UNC5D: variants seen among roughly 807,000 people sequenced by gnomAD.
UNC5D encodes unc-5 netrin receptor D.
In UNC5D, 39 loss-of-function variants were observed where a neutral mutation model predicts 105.4. The observed-to-expected ratio is 0.37, with a 90% confidence interval of 0.29 to 0.48. The LOEUF is 0.48. Among genes scored for constraint, UNC5D ranks in the 20% least tolerant of loss-of-function variants. The pLI, the probability that UNC5D is intolerant of heterozygous loss-of-function variation, is 0.98. For synonymous variants in UNC5D, 452 were observed against 450.4 expected (o/e 1.00, Z -0.04); for missense variants, 991 against 1,202.4 (o/e 0.82, Z 2.60).
In UNC5D at chr8:35,309,130, G is replaced by A. The variant is rs567063097; in HGVS notation, c.103+73243G>A. ...TCATTCTTCCTCATGAACAATTCTG[G>A]GACCTTCAAACACTTGTGAAATGCC... On this transcript the variant is annotated intron_variant, in intron 1 of 16. Coordinates refer to ENST00000404895, the MANE Select transcript of UNC5D (RefSeq NM_080872.4). Among the ~76,000 whole-genome samples, 9 of 152,174 alleles carry A rather than the reference G, an allele frequency of 5.9e-5. No homozygotes were observed. The East Asian group carries it at 1.5e-3, about 26-fold the overall frequency.
chr8:35,366,553 C>T (rs1802135934), intron 1 of UNC5D, among the ~76,000 whole-genome samples: 1 of 151,948 alleles, frequency 6.6e-6, no homozygotes, highest in Non-Finnish European at 1.5e-5. Context: ...ATGTAATTGT[C>T]CACTTACCCT....
intron 1 of UNC5D, among the ~76,000 whole-genome samples, chr8:35,429,060 C>A (rs2128973492): frequency 6.6e-6 from 1 of 152,258 alleles, no homozygotes; most frequent in South Asian, 2.1e-4. Flanking sequence ...GTAGCTACAT[C>A]CATAAAAGTG....
intron 4 of UNC5D, among the ~76,000 whole-genome samples, chr8:35,633,667 AT>A (rs1168041566): frequency 6.6e-6 from 1 of 152,146 alleles, no homozygotes; most frequent in East Asian, 1.9e-4. Flanking sequence ...AGGCAAGAGG[AT>A]TGCTTGAGCC....
At chr8:35,338,000 A>C (rs1280417070) in intron 1 of UNC5D, among the ~76,000 whole-genome samples, 2 of 152,254 alleles carry the variant, frequency 1.3e-5, no homozygotes, top group Non-Finnish European at 2.9e-5. Context: ...TATTAAAATT[A>C]TTGTACAGTA....
chr8:35,491,469 C>T (rs1201643630), intron 1 of UNC5D, among the ~76,000 whole-genome samples: 1 of 152,166 alleles, frequency 6.6e-6, no homozygotes, highest in Non-Finnish European at 1.5e-5. Context: ...TAGATTACTA[C>T]ATCACCATTT....
At chr8:35,715,835 A>C (rs886750635) in intron 8 of UNC5D, among the ~76,000 whole-genome samples, 12 of 152,148 alleles carry the variant, frequency 7.9e-5, no homozygotes, top group African/African-American at 2.9e-4. Flanking sequence ...GAACAGAGGA[A>C]TTTTGAGTTG....
At chr8:35,574,287 G>A (rs1325129384) in intron 3 of UNC5D, among the ~76,000 whole-genome samples, 1 of 152,164 alleles carries the variant, frequency 6.6e-6, no homozygotes, top group African/African-American at 2.4e-5. Context: ...GGAGAAGAAA[G>A]GGAATGTTTG....
intron 1 of UNC5D, among the ~76,000 whole-genome samples, chr8:35,286,414 G>A (rs977542389): frequency 1.3e-5 from 2 of 152,128 alleles, no homozygotes; most frequent in Admixed American, 6.5e-5. Context: ...AATTCCTAGC[G>A]AGCTTCCCCA....
chr8:35,487,594 C>CACACACACACACA lies in UNC5D; in HGVS notation c.104-61698_104-61697insACACACACACACA, dbSNP rs1554542234. 1.9e-3 allele frequency among the ~76,000 whole-genome samples: 276 copies of CACACACACACACA among 146,848 alleles called. 2 individuals are homozygous for CACACACACACACA. The highest frequency in any genetic ancestry group is 6.8e-3 in the Middle Eastern group (2 of 292). ...ACACACACACACACACACACACACA[C>CACACACACACACA]CCCACAGACTGTTAGTTTTAGTTCT... is the stretch of plus-strand genomic sequence containing the variant. On this transcript the variant is annotated intron_variant, in intron 1 of 16. Transcript: ENST00000404895.
chr8:35,406,143 C>T (rs190285433), intron 1 of UNC5D, among the ~76,000 whole-genome samples: 25 of 152,150 alleles, frequency 1.6e-4, no homozygotes, highest in Admixed American at 1.4e-3. Flanking sequence ...GATAGACTAG[C>T]GATAACAAAC....
At chr8:35,551,935 A>C (rs1344190055) in intron 2 of UNC5D, among the ~76,000 whole-genome samples, 5 of 152,224 alleles carry the variant, frequency 3.3e-5, no homozygotes, top group African/African-American at 1.2e-4. Context: ...TCTATCAATA[A>C]AGAGAAGGGC....
intron 1 of UNC5D, among the ~76,000 whole-genome samples, chr8:35,511,474 TAAAAA>T (rs60185539): frequency 2.1e-5 from 2 of 96,946 alleles, no homozygotes; most frequent in Non-Finnish European, 4.8e-5. Context: ...CCTCTAAGAT[TAAAAA>T]AAAAAAAAAA....
At chr8:35,683,453 ATCTC>A in intron 4 of UNC5D, 90 bp from the exon 5 acceptor site, 1 of 1,272,506 alleles carries the variant, frequency 7.9e-7, no homozygotes, top group South Asian at 1.6e-5. Context: ...TTTTAGATAC[ATCTC>A]TCTCCCACAC....
In UNC5D at chr8:35,264,823, G is replaced by A. The variant is rs564953698; in HGVS notation, c.103+28936G>A. Among the ~76,000 whole-genome samples the A allele has an allele frequency of 2.4e-4, 36 of 152,164 alleles. No individual in the cohort carries two copies. In the South Asian group the frequency reaches 4.4e-3, roughly 18 times the overall value. On this transcript the variant is annotated intron_variant, in intron 1 of 16. Coordinates refer to ENST00000404895, the MANE Select transcript of UNC5D (RefSeq NM_080872.4). ...CCTCTTGTGCCTACTCAGGCTATTG[G>A]CAGGGCCATCCTGTGTACCTGAGAT...
At chr8:35,498,088 A>T (rs888695599) in intron 1 of UNC5D, among the ~76,000 whole-genome samples, 1 of 74,470 alleles carries the variant, frequency 1.3e-5, no homozygotes, top group African/African-American at 8.6e-5. Context: ...ACAAAACAAA[A>T]AAAAAAAAAA....
intron 5 of UNC5D, among the ~76,000 whole-genome samples, 177 bp downstream of exon 5, chr8:35,683,904 G>C (rs1258811596): frequency 6.6e-6 from 1 of 152,150 alleles, no homozygotes; most frequent in African/African-American, 2.4e-5. Context: ...TTCTATTAAT[G>C]TGTTTGCTGT....
chr8:35,560,461 A>G (rs1156641952), intron 2 of UNC5D, among the ~76,000 whole-genome samples: 1 of 152,180 alleles, frequency 6.6e-6, no homozygotes, highest in African/African-American at 2.4e-5. Flanking sequence ...GTATAAGGGT[A>G]TGTATGTATA....
chr8:35,517,156 G>A (rs1813150223), intron 1 of UNC5D, among the ~76,000 whole-genome samples: 1 of 152,002 alleles, frequency 6.6e-6, no homozygotes, highest in Admixed American at 6.6e-5. Flanking sequence ...CCTCCCTTTA[G>A]GCCTCCCCTC....
chr8:35,732,036 C>G (rs1381144316), intron 11 of UNC5D, among the ~76,000 whole-genome samples: 5 of 152,112 alleles, frequency 3.3e-5, no homozygotes, highest in Non-Finnish European at 5.9e-5. Context: ...AAACCTGACT[C>G]CTCTTCAGAA....
Sources: gnomAD v4.1 joint callset for allele counts (sites outside exome capture counted in the v4.1 genomes callset) on GRCh38, gnomAD v4.1.1 for gene constraint, MANE v1.5 for transcripts, NCBI Gene and HGNC (gene_info 2026-07-23, HGNC 2026-07-21) for gene names.